Variants in BRINP2 observed in about 807,000 individuals in gnomAD.
BRINP2 encodes BMP/retinoic acid inducible neural specific 2, also known as BMP/retinoic acid-inducible neural-specific protein 2.
Under a neutral mutation model 69.2 loss-of-function variants are expected in BRINP2, and 21 were observed. That is an observed-to-expected ratio of 0.30 (90% CI 0.22 to 0.44). The LOEUF is 0.44. Ranked by LOEUF, BRINP2 falls within the 20% of genes least tolerant of loss-of-function variation. The pLI is 1.00. For synonymous variants in BRINP2, 380 were observed against 394.1 expected (o/e 0.96, Z 0.42); for missense variants, 877 against 986.0 (o/e 0.89, Z 1.48).
chr1:177,182,050 A>G (rs1420014404), intron 1 of BRINP2, among the ~76,000 whole-genome samples: 1 of 152,156 alleles, frequency 6.6e-6, no homozygotes, highest in African/African-American at 2.4e-5. Flanking sequence ...GGGGAGGGAC[A>G]GTTGCATTTG....
intron 1 of BRINP2, among the ~76,000 whole-genome samples, chr1:177,184,233 C>T (rs1381835239): frequency 2.0e-5 from 3 of 152,148 alleles, no homozygotes; most frequent in African/African-American, 7.2e-5. Flanking sequence ...CTAATCCTGT[C>T]ATTTCTCACC....
At chr1:177,190,239 T>C (rs1427927891) in intron 1 of BRINP2, among the ~76,000 whole-genome samples, 1 of 152,094 alleles carries the variant, frequency 6.6e-6, no homozygotes, top group Non-Finnish European at 1.5e-5. Context: ...AAAAACTCTA[T>C]GGAGAGGAAC....
intron 4 of BRINP2, among the ~76,000 whole-genome samples, chr1:177,259,499 T>C (rs1163862518): frequency 6.6e-6 from 1 of 152,172 alleles, no homozygotes; most frequent in African/African-American, 2.4e-5. Flanking sequence ...ATTTTCAGTG[T>C]AGATGACACT....
At chr1:177,246,508 A>G (rs966727202) in intron 2 of BRINP2, among the ~76,000 whole-genome samples, 1 of 152,232 alleles carries the variant, frequency 6.6e-6, no homozygotes, top group African/African-American at 2.4e-5. Context: ...TGTGCAAAAA[A>G]CAGTTTGGAT....
At chr1:177,226,377 G>A (rs1296482759) in intron 1 of BRINP2, among the ~76,000 whole-genome samples, 1 of 152,202 alleles carries the variant, frequency 6.6e-6, no homozygotes, top group Non-Finnish European at 1.5e-5. Flanking sequence ...TGACTCAGCT[G>A]AGTTAGGGAA....
chr1:177,222,294 G>A (rs1649560578), intron 1 of BRINP2, among the ~76,000 whole-genome samples: 1 of 152,104 alleles, frequency 6.6e-6, no homozygotes, highest in Admixed American at 6.5e-5. Flanking sequence ...CACTCACCAT[G>A]GGCCAGACAC....
chr1:177,232,366 A>T lies in BRINP2; in HGVS notation c.269+2221A>T, dbSNP rs372710554. 3.5e-4 allele frequency among the ~76,000 whole-genome samples: 54 copies of T among 152,188 alleles called. No homozygotes were observed. The South Asian group carries it at 0.011, about 32-fold the overall frequency. ...ATCAGTTGGTAATGGTTTTCTGATC[A>T]TTTAATGTGACAAGCTCTTACACTG... On this transcript the variant is annotated intron_variant, in intron 2 of 7. Coordinates refer to ENST00000361539, the MANE Select transcript of BRINP2 (RefSeq NM_021165.4).
intron 1 of BRINP2, among the ~76,000 whole-genome samples, chr1:177,179,164 CA>C (rs1648173943): frequency 6.6e-6 from 1 of 152,016 alleles, no homozygotes. Context: ...ACAATATAAA[CA>C]AATAAATAAT....
intron 1 of BRINP2, among the ~76,000 whole-genome samples, chr1:177,200,451 C>T (rs1024126801): frequency 6.6e-6 from 1 of 152,132 alleles, no homozygotes; most frequent in African/African-American, 2.4e-5. Context: ...ATCTGCTCAT[C>T]GCTGCCCATC....
chr1:177,233,125 G>A (rs1285325141), intron 2 of BRINP2, among the ~76,000 whole-genome samples: 2 of 152,164 alleles, frequency 1.3e-5, no homozygotes, highest in Non-Finnish European at 2.9e-5. Flanking sequence ...GTTGGAGTAT[G>A]CTCTAACTTT....
chr1:177,234,162 C>T (rs1452587279), intron 2 of BRINP2, among the ~76,000 whole-genome samples: 1 of 152,196 alleles, frequency 6.6e-6, no homozygotes, highest in Non-Finnish European at 1.5e-5. Context: ...TTGCTCCATT[C>T]CATAGCCCCC....
chr1:177,275,242 A>G, intron 5 of BRINP2: 1 of 456,304 alleles, frequency 2.2e-6, no homozygotes. Context: ...GTTCTGCTGT[A>G]GGTAAACTGG....
Position 177,187,645 on chromosome 1 carries a change from T to C in BRINP2, c.-77+15913T>C, listed in dbSNP as rs183066634. On this transcript the variant is annotated intron_variant, in intron 1 of 7. Transcript: ENST00000361539. ...CCAAAGCAGGCCTCATGAAGGCCGC[T>C]CAACCACTCATGTATGTCGGTATGT... 1.3e-3 allele frequency among the ~76,000 whole-genome samples: 196 copies of C among 152,278 alleles called. 1 individual carries two copies. Among genetic ancestry groups the C allele is most frequent in the African/African-American group, 4.3e-3 (177 of 41,568 alleles).
At chr1:177,239,813 G>A (rs1191918282) in intron 2 of BRINP2, among the ~76,000 whole-genome samples, 1 of 152,208 alleles carries the variant, frequency 6.6e-6, no homozygotes, top group African/African-American at 2.4e-5. Context: ...GCTGTGCACA[G>A]ATTAGGGCTG....
intron 1 of BRINP2, among the ~76,000 whole-genome samples, chr1:177,187,920 C>A (rs1344941100): frequency 2.6e-5 from 4 of 152,258 alleles, no homozygotes; most frequent in African/African-American, 9.6e-5. Flanking sequence ...GTGAGAGAGT[C>A]TTGATCTAAA....
chr1:177,173,119 G>A (rs1647988956), intron 1 of BRINP2, among the ~76,000 whole-genome samples: 1 of 152,186 alleles, frequency 6.6e-6, no homozygotes, highest in South Asian at 2.1e-4. Context: ...TCACACAGTT[G>A]TGTGTATGTT....
intron 1 of BRINP2, among the ~76,000 whole-genome samples, chr1:177,227,472 A>C (rs1484491262): frequency 6.6e-6 from 1 of 152,232 alleles, no homozygotes; most frequent in Non-Finnish European, 1.5e-5. Flanking sequence ...AGGAGCCCTC[A>C]ATTTATGTTT....
chr1:177,174,533 C>T (rs1017123942), intron 1 of BRINP2, among the ~76,000 whole-genome samples: 1 of 152,022 alleles, frequency 6.6e-6, no homozygotes, highest in Admixed American at 6.6e-5. Context: ...AGTTCATCTG[C>T]GATTGATTCG....
At chr1:177,238,196 G>A (rs1650087839) in intron 2 of BRINP2, among the ~76,000 whole-genome samples, 2 of 152,192 alleles carry the variant, frequency 1.3e-5, no homozygotes, top group South Asian at 2.1e-4. Context: ...TTAGAAGTGG[G>A]CGAGGCCTGT....
Sources: allele counts gnomAD v4.1 joint callset (sites outside exome capture counted in the v4.1 genomes callset), GRCh38; gene constraint gnomAD v4.1.1; transcripts MANE v1.5; gene names NCBI Gene and HGNC (gene_info 2026-07-23, HGNC 2026-07-21).